Variants in FAM8A1 observed in about 807,000 individuals in gnomAD.
FAM8A1 encodes family with sequence similarity 8 member A1.
A neutral mutation model predicts 38.3 loss-of-function variants in FAM8A1; 18 were observed. That is an observed-to-expected ratio of 0.47 (90% confidence interval 0.33 to 0.70). The LOEUF is 0.70. Among genes scored for constraint, FAM8A1 ranks in the 30% least tolerant of loss-of-function variants. The pLI, the probability that FAM8A1 is intolerant of heterozygous loss-of-function variation, is 0.03. For missense variants in FAM8A1, 559 were observed against 559.6 expected, an observed-to-expected ratio of 1.00 and a Z score of 0.01; for synonymous variants, 246 against 234.4, an observed-to-expected ratio of 1.05 and a Z score of -0.45.
chr6:17,600,916 G>C lies in FAM8A1; in HGVS notation c.507G>C (p.Leu169=). 1 of 1,594,578 alleles carries C rather than the reference G, an allele frequency of 6.3e-7. No homozygotes were observed. The highest frequency in any genetic ancestry group is 1.1e-5 in the South Asian group (1 of 89,894). ...CCGCGGCGCCGCCGCCCCCGCAGCT[G>C]GGCTATTACAACCCCTTCTACTTCC... ...PQAAAPPPPQ[L]GYYNPFYFLS... is the part of the protein sequence containing the mutation. Residue 169 remains leucine (L), a synonymous_variant, in exon 1 of 5, where the codon CTG becomes CTC. Coordinates refer to ENST00000259963, the MANE Select transcript of FAM8A1 (RefSeq NM_016255.3).
In FAM8A1 at chr6:17,602,710, A is replaced by G. The variant is rs1764002903; in HGVS notation, c.833A>G (p.Lys278Arg). ...VLSIMHLSGI[K>R]DISKFAMHYI... ...AGCATTATGCACCTCAGTGGGATAA[A>G]GTAAGTTGAGGACATTTGCAGAAGG... is the stretch of plus-strand genomic sequence containing the variant. Residue 278 changes from lysine to arginine, a missense_variant and splice_region_variant, in exon 2 of 5, where the codon AAG (lysine) becomes AGG (arginine). Physicochemically the swap from Lys to Arg is conservative, Grantham distance 26. Coordinates refer to ENST00000259963, the MANE Select transcript of FAM8A1 (RefSeq NM_016255.3). 6.2e-7 allele frequency: 1 copy of G among 1,601,366 alleles called. No individual in the cohort carries two copies. Among genetic ancestry groups the G allele is most frequent in the African/African-American group, 1.3e-5 (1 of 74,108 alleles).
At chr6:17,607,605 AT>A (rs1764074083) in intron 4 of FAM8A1, among the ~76,000 whole-genome samples, 1 of 152,092 alleles carries the variant, frequency 6.6e-6, no homozygotes, top group Non-Finnish European at 1.5e-5. Context: ...ATGGATCTGA[AT>A]TTAACTAGTC....
Position 17,600,428 on chromosome 6 carries a change from G to C in FAM8A1, c.19G>C (p.Glu7Gln), listed in dbSNP as rs1268359002. 2 of 1,439,036 alleles carry C rather than the reference G, an allele frequency of 1.4e-6. No individual in the cohort carries two copies. 89.1% of individuals were successfully genotyped at this position (1,439,036 alleles called of 1,614,324 possible). A position where few individuals can be genotyped will look rare whatever the true frequency, so the allele number is the denominator to read the frequency against. The change falls in exon 1 of 5, where the codon GAA (glutamate) becomes CAA (glutamine). Residue 7 changes from glutamate to glutamine, a missense_variant. Around this residue, in one of 2 missense-constraint regions of FAM8A1, gnomAD observed 393 missense variants for 338.9 expected, o/e 1.16. Transcript: ENST00000259963. ...GGCGACGATGGCCGAGGGGCCCGAG[G>C]AAGCCCGAGGCCACCCTCCCGGGCA... MAEGPE[E>Q]ARGHPPGQDD... is the part of the protein sequence containing the mutation.
chr6:17,600,710 C>T lies in FAM8A1; in HGVS notation c.301C>T (p.Pro101Ser). ...AGCEAPEAAA[P>S]RERPARLSAR... Reference sequence around the variant, plus strand: ...CTGCGAGGCGCCCGAAGCCGCGGCGCCACGAGAGAGACCAGCTCGGCTGAG... The same window carrying T: ...CTGCGAGGCGCCCGAAGCCGCGGCGTCACGAGAGAGACCAGCTCGGCTGAG... Residue 101 changes from proline (P) to serine (S), a missense_variant, in exon 1 of 5, where the codon CCA (proline) becomes TCA (serine). Around this residue, in one of 2 missense-constraint regions of FAM8A1, gnomAD observed 393 missense variants for 338.9 expected, o/e 1.16. Transcript: ENST00000259963. 6.3e-7 allele frequency: 1 copy of T among 1,578,370 alleles called. No individual in the cohort carries two copies. Among genetic ancestry groups the T allele is most frequent in the Non-Finnish European group, 8.6e-7 (1 of 1,164,454 alleles).
rs1279052442 is a variant in FAM8A1 at position 17,600,767 on chromosome 6, T to C, written c.358T>C (p.Trp120Arg). The change falls in exon 1 of 5, where the codon TGG (tryptophan) becomes CGG (arginine). Residue 120 changes from tryptophan (W) to arginine (R), a missense_variant. Transcript: ENST00000259963. ...CGAGTACTCCCGGCAAGTGCACGAG[T>C]GGCTGTGGCAGTCCTACTGCGGCTA... is the stretch of plus-strand genomic sequence containing the variant. ...AREYSRQVHE[W>R]LWQSYCGYLT... 6.2e-7 allele frequency: 1 copy of C among 1,610,842 alleles called. No homozygotes were observed. The highest frequency in any genetic ancestry group is 1.3e-5 in the African/African-American group (1 of 74,874).
chr6:17,604,812 A>G, intron 2 of FAM8A1, 94 bp from the exon 3 acceptor site: 1 of 968,944 alleles, frequency 1.0e-6, no homozygotes, highest in South Asian at 1.7e-5. Context: ...TTAGAATTTC[A>G]ATTAAAATGT....
chr6:17,604,408 TTC>T (rs1360947646), intron 2 of FAM8A1, among the ~76,000 whole-genome samples: 4 of 152,194 alleles, frequency 2.6e-5, no homozygotes, highest in Non-Finnish European at 5.9e-5. Flanking sequence ...TTCTATCATA[TTC>T]TCTCTTTCTC....
At position 17,600,883 on chromosome 6, in the gene FAM8A1, C is replaced by A. The variant is rs778338963; in HGVS notation, c.474C>A (p.Val158=). 2.5e-6 allele frequency: 4 copies of A among 1,600,572 alleles called. No individual in the cohort carries two copies. Among genetic ancestry groups the A allele is most frequent in the Non-Finnish European group, 2.6e-6 (3 of 1,176,250 alleles). Residue 158 remains valine (V), a synonymous_variant, in exon 1 of 5, where the codon GTC becomes GTA. Coordinates refer to ENST00000259963, the MANE Select transcript of FAM8A1 (RefSeq NM_016255.3). ...GCTTCCCTTCGGGCGGCGCTGCAGT[C>A]CCCCAGGCCGCGGCGCCGCCGCCCC... ...PQSFPSGGAA[V]PQAAAPPPPQ... is the part of the protein sequence containing the mutation.
chr6:17,600,531 ACGACCCCCAGGC>A lies in FAM8A1; in HGVS notation c.126_137del (p.Asp42_Ala45del), dbSNP rs768842228. 38 of 1,531,352 alleles carry A rather than the reference ACGACCCCCAGGC, an allele frequency of 2.5e-5. No individual in the cohort carries two copies. Among genetic ancestry groups the A allele is most frequent in the Admixed American group, 4.0e-5 (2 of 50,496 alleles). 94.9% of individuals were successfully genotyped at this position (1,531,352 alleles called of 1,614,324 possible). On this transcript the variant is annotated inframe_deletion, in exon 1 of 5. Coordinates refer to ENST00000259963, the MANE Select transcript of FAM8A1 (RefSeq NM_016255.3). The stretch of plus-strand genomic sequence containing the variant: ...ACCACCGCCGTCCCATGCCCCCGCG[ACGACCCCCAGGC>A]CGAACCCCAGGCCCCGGGCCGGCCC...
chr6:17,600,553 GGCCCCGGGCCGGCCCACA>G lies in FAM8A1; in HGVS notation c.155_172del (p.Arg52_Gly57del), dbSNP rs772412986. The G allele has an allele frequency of 1.1e-3, 1,665 of 1,507,346 alleles. 11 individuals are homozygous for G. The African/African-American group carries it at 0.019, about 18-fold the overall frequency. The allele number at this position is 1,507,346 out of a possible 1,614,324, so 93.4% of individuals were successfully genotyped here. A position where few individuals can be genotyped will look rare whatever the true frequency, so the allele number is the denominator to read the frequency against. ...GCGACGACCCCCAGGCCGAACCCCA[GGCCCCGGGCCGGCCCACA>G]GCCCCGGGCCTCGCGGCTGCCGCCG... On this transcript the variant is annotated inframe_deletion, in exon 1 of 5. Transcript: ENST00000259963.
At chr6:17,603,013 T>C (rs2113745140) in intron 2 of FAM8A1, among the ~76,000 whole-genome samples, 1 of 152,370 alleles carries the variant, frequency 6.6e-6, no homozygotes, top group South Asian at 2.1e-4. Context: ...CAGGAACTAA[T>C]TTACCTCTCA....
At position 17,600,512 on chromosome 6, in the gene FAM8A1, G is replaced by A. The variant is rs1249408174; in HGVS notation, c.103G>A (p.Ala35Thr). ...VPSLRGPPTT[A>T]VPCPRDDPQA... ...TTCCCTGAGAGGCCCTCCTACCACC[G>A]CCGTCCCATGCCCCCGCGACGACCC... The change falls in exon 1 of 5, where the codon GCC (alanine) becomes ACC (threonine). Residue 35 changes from alanine to threonine, a missense_variant. By Grantham distance (58) the Ala-to-Thr change is moderately conservative. Coordinates refer to ENST00000259963, the MANE Select transcript of FAM8A1 (RefSeq NM_016255.3). 1 of 1,533,454 alleles carries A rather than the reference G, an allele frequency of 6.5e-7. No individual in the cohort carries two copies. Among genetic ancestry groups the A allele is most frequent in the Non-Finnish European group, 8.7e-7 (1 of 1,144,558 alleles). 95.0% of individuals were successfully genotyped at this position (1,533,454 alleles called of 1,614,324 possible).
rs753458421 is a variant in FAM8A1 at position 17,607,433 on chromosome 6, A to G, written c.1098-762A>G. 5.5e-4 allele frequency among the ~76,000 whole-genome samples: 83 copies of G among 151,346 alleles called. 2 individuals are homozygous for G. The highest frequency in any genetic ancestry group is 5.0e-3 in the Admixed American group (76 of 15,194). On this transcript the variant is annotated intron_variant, in intron 4 of 4. Transcript: ENST00000259963. ...CTCATAAGATAGAGACTATTGATCTATATCTATAGTATCATAAGATACTAT... is the reference window on the plus strand; with the variant it reads ...CTCATAAGATAGAGACTATTGATCTGTATCTATAGTATCATAAGATACTAT...
At chr6:17,602,997 T>A (rs1054157623) in intron 2 of FAM8A1, among the ~76,000 whole-genome samples, 3 of 152,252 alleles carry the variant, frequency 2.0e-5, no homozygotes, top group African/African-American at 7.2e-5. Context: ...ACCTATTCTT[T>A]TAGGCCAGGA....
At chr6:17,605,453 CAT>C (rs1163997062) in intron 3 of FAM8A1, among the ~76,000 whole-genome samples, 2 of 142,332 alleles carry the variant, frequency 1.4e-5, no homozygotes, top group Non-Finnish European at 3.1e-5. Context: ...GTCTTTTCCA[CAT>C]GTCTACTTTT....
chr6:17,601,592 G>A (rs1763986572), intron 1 of FAM8A1, among the ~76,000 whole-genome samples: 1 of 152,288 alleles, frequency 6.6e-6, no homozygotes, highest in Non-Finnish European at 1.5e-5. Flanking sequence ...TTTTGATTGG[G>A]TCAAAGCTTC....
rs569954301 is a variant in FAM8A1 at position 17,606,452 on chromosome 6, C to T, written c.1097+439C>T. Among the ~76,000 whole-genome samples, 5 of 152,224 alleles carry T rather than the reference C, an allele frequency of 3.3e-5. No individual in the cohort carries two copies. The South Asian group carries it at 8.3e-4, about 25-fold the overall frequency. On this transcript the variant is annotated intron_variant, in intron 4 of 4. Transcript: ENST00000259963. ...CCTGACCTCATGATCCACCCGCCTC[C>T]GCCTCTCAAAGTGTTGGGATTACAG...
At chr6:17,605,834 AGTT>A in intron 3 of FAM8A1, 37 bp from the exon 4 acceptor site, 1 of 1,476,664 alleles carries the variant, frequency 6.8e-7, no homozygotes, top group Non-Finnish European at 9.1e-7. Context: ...AAATTGGTAT[AGTT>A]GAGCCAGTAA....
At position 17,608,250 on chromosome 6, in the gene FAM8A1, T is replaced by C; in HGVS notation, c.1153T>C (p.Phe385Leu). The C allele has an allele frequency of 6.2e-7, 1 of 1,613,896 alleles. No individual in the cohort carries two copies. Among genetic ancestry groups the C allele is most frequent in the Non-Finnish European group, 8.5e-7 (1 of 1,179,812 alleles). ...NFSIASFFPAFITLLFFQHNR... is the reference protein window; with the variant it reads ...NFSIASFFPALITLLFFQHNR... ...TTCAATTGCTTCTTTTTTCCCTGCTTTCATCACACTGCTGTTTTTTCAGCA... is the reference window on the plus strand; with the variant it reads ...TTCAATTGCTTCTTTTTTCCCTGCTCTCATCACACTGCTGTTTTTTCAGCA... Residue 385 changes from phenylalanine (F) to leucine (L), a missense_variant, in exon 5 of 5, where the codon TTC becomes CTC. By Grantham distance (22) the Phe-to-Leu change is conservative. Around this residue, in one of 2 missense-constraint regions of FAM8A1, gnomAD observed 166 missense variants for 220.8 expected, o/e 0.75. Transcript: ENST00000259963.
Sources: gnomAD v4.1 joint callset for allele counts (sites outside exome capture counted in the v4.1 genomes callset) on GRCh38, gnomAD v4.1.1 for gene constraint, gnomAD v4.1.1 regional missense constraint, MANE v1.5 for transcripts, NCBI Gene and HGNC (gene_info 2026-07-23, HGNC 2026-07-21) for gene names.